The following CELF2 variants were observed in gnomAD, a reference collection of about 807,000 sequenced individuals.
CELF2 encodes CUG triplet repeat RNA-binding protein 2.
Under a neutral mutation model 62.6 loss-of-function variants are expected in CELF2, and 8 were observed. The observed-to-expected ratio is 0.13, with a 90% CI of 0.07 to 0.23. The LOEUF (loss-of-function observed/expected upper bound fraction) is 0.23, where lower values mean the gene tolerates loss of function less well. Ranked by LOEUF, CELF2 falls within the 10% of genes least tolerant of loss-of-function variation. The probability of loss-of-function intolerance (pLI) is 1.00; values close to 1 mark genes in which losing one functional copy is unlikely to be tolerated. For synonymous variants in CELF2, 258 were observed against 250.0 expected, an observed-to-expected ratio of 1.03 and a Z score of -0.30; for missense variants, 333 against 671.0, an observed-to-expected ratio of 0.50 and a Z score of 5.56.
At chr10:10,939,739 G>A (rs1393222069) in intron 2 of CELF2, among the ~76,000 whole-genome samples, 2 of 151,972 alleles carry the variant, frequency 1.3e-5, no homozygotes, top group Admixed American at 1.3e-4. Flanking sequence ...CGGATCACGA[G>A]GTCAGGAGAT....
intron 1 of CELF2, among the ~76,000 whole-genome samples, chr10:10,844,202 G>A (rs1475233024): frequency 6.6e-6 from 1 of 151,874 alleles, no homozygotes; most frequent in African/African-American, 2.4e-5. Context: ...ATATATAAGA[G>A]TATACTTAAT....
the CELF2 span, among the ~76,000 whole-genome samples, chr10:10,541,668 T>C: frequency 5.3e-5 from 8 of 152,340 alleles, no homozygotes; most frequent in Admixed American, 3.3e-4. Flanking sequence ...TCTTTTAGCA[T>C]GCTAATGCAT....
At chr10:10,816,767 C>T (rs1379784450) in intron 1 of CELF2, among the ~76,000 whole-genome samples, 2 of 152,176 alleles carry the variant, frequency 1.3e-5, no homozygotes, top group South Asian at 2.1e-4. Context: ...TTCCATGTAA[C>T]GATTTGGTTT....
At chr10:11,184,290 A>G in intron 2 of CELF2, among the ~76,000 whole-genome samples, 1 of 152,208 alleles carries the variant, frequency 6.6e-6, no homozygotes, top group Non-Finnish European at 1.5e-5. Flanking sequence ...ACATTGCATT[A>G]GTTACTGCAA....
the CELF2 span, among the ~76,000 whole-genome samples, chr10:10,739,116 A>C: frequency 6.6e-6 from 1 of 152,112 alleles, no homozygotes; most frequent in Non-Finnish European, 1.5e-5. Flanking sequence ...TTTTAAGTGA[A>C]AAAAAATCAC....
intron 1 of CELF2, among the ~76,000 whole-genome samples, chr10:10,813,259 G>A (rs2056112871): frequency 6.6e-6 from 1 of 152,210 alleles, no homozygotes; most frequent in South Asian, 2.1e-4. Flanking sequence ...ACTGACATTA[G>A]CGATTTTATG....
chr10:10,619,695 C>T, the CELF2 span, among the ~76,000 whole-genome samples: 7 of 152,288 alleles, frequency 4.6e-5, no homozygotes, highest in East Asian at 1.9e-4. Flanking sequence ...AGGCAGAAAA[C>T]GTCGTATTAT....
chr10:11,214,568 T>C lies in CELF2; in HGVS notation c.272-2857T>C, dbSNP rs1474919564. 6.6e-6 allele frequency among the ~76,000 whole-genome samples: 1 copy of C among 152,164 alleles called. No homozygotes were observed. Among genetic ancestry groups the C allele is most frequent in the Non-Finnish European group, 1.5e-5 (1 of 68,030 alleles). ...ACGCCCACCTGGAGATGGGATCCCC[T>C]CTTGGAATCGGCACAAAGGCTCCAG... On this transcript the variant is annotated intron_variant, in intron 2 of 12. Transcript: ENST00000633077. The surrounding 1 kb of genome is among the most constrained non-coding windows in gnomAD (Gnocchi z 4.2).
At chr10:11,313,521 A>G (rs191889360) in intron 9 of CELF2, among the ~76,000 whole-genome samples, 87 of 152,388 alleles carry the variant, frequency 5.7e-4, no homozygotes, top group African/African-American at 2.0e-3. Flanking sequence ...AACAAAAAGA[A>G]AAGTTCAGTC....
intron 1 of CELF2, among the ~76,000 whole-genome samples, chr10:10,885,167 C>T (rs529121123): frequency 3.4e-4 from 52 of 151,784 alleles, no homozygotes; most frequent in African/African-American, 1.2e-3. Context: ...CGCTTGAACA[C>T]GGTAGGTGGA....
At chr10:11,023,058 G>A (rs1297026691) in intron 1 of CELF2, among the ~76,000 whole-genome samples, 1 of 152,230 alleles carries the variant, frequency 6.6e-6, no homozygotes, top group Non-Finnish European at 1.5e-5. Flanking sequence ...CCACTTTAGA[G>A]TATTACCGTT....
intron 1 of CELF2, among the ~76,000 whole-genome samples, chr10:10,802,035 C>G (rs978350275): frequency 6.6e-6 from 1 of 152,102 alleles, no homozygotes; most frequent in Non-Finnish European, 1.5e-5. Flanking sequence ...AAAGACATGC[C>G]AATAATTTTC....
the CELF2 span, among the ~76,000 whole-genome samples, chr10:10,607,899 G>T: frequency 6.6e-6 from 1 of 151,982 alleles, no homozygotes; most frequent in African/African-American, 2.4e-5. Context: ...GGAGGTGGCA[G>T]GTGGATCACC....
At chr10:10,482,643 G>A in the CELF2 span, among the ~76,000 whole-genome samples, 2 of 152,084 alleles carry the variant, frequency 1.3e-5, no homozygotes, top group African/African-American at 4.8e-5. Context: ...TGTGTCTTAT[G>A]AGGCTTTGAC....
chr10:10,477,445 T>C, the CELF2 span, among the ~76,000 whole-genome samples: 1 of 152,140 alleles, frequency 6.6e-6, no homozygotes, highest in African/African-American at 2.4e-5. Flanking sequence ...CAAGTCATAG[T>C]CACAGCTAAG....
chr10:11,093,718 C>G (rs2048977179), intron 1 of CELF2, among the ~76,000 whole-genome samples: 1 of 152,038 alleles, frequency 6.6e-6, no homozygotes, highest in Non-Finnish European at 1.5e-5. Context: ...GCCCTTTTTT[C>G]AACTGAATCA....
At chr10:10,614,212 T>A in the CELF2 span, among the ~76,000 whole-genome samples, 2 of 151,980 alleles carry the variant, frequency 1.3e-5, no homozygotes, top group African/African-American at 4.8e-5. Flanking sequence ...GATGTCTCCT[T>A]CCTCCCCCAT....
Position 10,973,896 on chromosome 10 carries a change from C to T in CELF2, c.89+53897C>T, listed in dbSNP as rs2051040538. Among the ~76,000 whole-genome samples, 2 of 152,166 alleles carry T rather than the reference C, an allele frequency of 1.3e-5. 1 individual carries two copies. Among genetic ancestry groups the T allele is most frequent in the South Asian group, 4.1e-4 (2 of 4,828 alleles). The stretch of plus-strand genomic sequence containing the variant: ...GTGACTCAGGTTTTCCTTTGAGCCC[C>T]AGGGTCCTGCTGCCTTGCTGATTTG... On this transcript the variant is annotated intron_variant, in intron 2 of 13. Transcript: ENST00000636488.
At chr10:11,181,028 C>A (rs1588470988) in intron 2 of CELF2, among the ~76,000 whole-genome samples, 2 of 152,224 alleles carry the variant, frequency 1.3e-5, no homozygotes, top group Middle Eastern at 6.8e-3. Flanking sequence ...TGCCAGTATG[C>A]CCTGCTAATT....
Sources: allele counts gnomAD v4.1 joint callset (sites outside exome capture counted in the v4.1 genomes callset), GRCh38; gene constraint gnomAD v4.1.1; non-coding constraint Gnocchi (gnomAD v3.1); transcripts MANE v1.5; gene names NCBI Gene and HGNC (gene_info 2026-07-23, HGNC 2026-07-21).